Variants in CAPS2 observed in about 807,000 individuals in gnomAD.
CAPS2 encodes the protein calcyphosin-2.
In CAPS2, 98 loss-of-function variants were observed where a neutral mutation model predicts 86.5. The ratio of observed to expected loss-of-function variants is 1.13; its 90% CI spans 0.96 to 1.34. CAPS2 has a LOEUF of 1.34. Ranked by LOEUF, CAPS2 falls within the 40% of genes most tolerant of loss-of-function variation. CAPS2 has a pLI of 0.00. For synonymous variants in CAPS2, 210 were observed against 225.1 expected (o/e 0.93, Z 0.60); for missense variants, 729 against 686.8 (o/e 1.06, Z -0.69).
chr12:75,381,476 T>C (rs1335833193), intron 1 of CAPS2, among the ~76,000 whole-genome samples: 2 of 151,314 alleles, frequency 1.3e-5, no homozygotes, highest in Non-Finnish European at 2.9e-5. Flanking sequence ...ATCATACCTA[T>C]ATGTGAAAAG....
chr12:75,366,403 G>C (rs2139655649), intron 1 of CAPS2, among the ~76,000 whole-genome samples: 1 of 152,206 alleles, frequency 6.6e-6, no homozygotes, highest in African/African-American at 2.4e-5. Flanking sequence ...AGAGAACTTA[G>C]GAACTCTTGA....
intron 1 of CAPS2, among the ~76,000 whole-genome samples, chr12:75,345,287 G>A (rs1195629629): frequency 6.6e-6 from 1 of 151,856 alleles, no homozygotes; most frequent in African/African-American, 2.4e-5. Flanking sequence ...GCAAATCTCA[G>A]GGGTATTATG....
intron 1 of CAPS2, among the ~76,000 whole-genome samples, chr12:75,335,894 A>C (rs1283380848): frequency 1.3e-5 from 2 of 152,126 alleles, no homozygotes; most frequent in East Asian, 1.9e-4. Context: ...AATATGGTTG[A>C]TGCCTTTAGA....
chr12:75,376,225 C>T (rs1025400934), intron 1 of CAPS2, among the ~76,000 whole-genome samples: 3 of 152,186 alleles, frequency 2.0e-5, no homozygotes, highest in Non-Finnish European at 2.9e-5. Flanking sequence ...CAAGCTGCAA[C>T]ATTAAATGAA....
exon 17 of CAPS2, chr12:75,277,405 T>C: frequency 2.1e-6 from 2 of 974,514 alleles, no homozygotes; most frequent in Non-Finnish European, 2.4e-6. Flanking sequence ...TTAAGATGTC[T>C]ATAGTTGGAT....
intron 1 of CAPS2, among the ~76,000 whole-genome samples, chr12:75,355,928 T>G (rs924159066): frequency 2.6e-5 from 4 of 151,992 alleles, no homozygotes; most frequent in African/African-American, 9.7e-5. Context: ...AGCTGAACAA[T>G]GGGAACGCTT....
At chr12:75,343,911 C>T (rs1364845187) in intron 1 of CAPS2, 18 of 1,610,056 alleles carry the variant, frequency 1.1e-5, no homozygotes, top group Non-Finnish European at 1.5e-5. Context: ...GTCTATCATG[C>T]TCCAGAGTCT....
intron 5 of CAPS2, 150 bp from the exon 6 acceptor site, chr12:75,316,584 T>C: frequency 1.3e-6 from 1 of 760,404 alleles, no homozygotes; most frequent in Non-Finnish European, 1.9e-6. Context: ...TTGCTTATAT[T>C]TGAATCCAGC....
At chr12:75,320,932 T>A (rs1248866024) in intron 5 of CAPS2, among the ~76,000 whole-genome samples, 1 of 151,932 alleles carries the variant, frequency 6.6e-6, no homozygotes, top group African/African-American at 2.4e-5. Flanking sequence ...CAGCAACACA[T>A]GATGTTAAAA....
chr12:75,342,169 C>A (rs1036018247), intron 1 of CAPS2, among the ~76,000 whole-genome samples: 1 of 152,252 alleles, frequency 6.6e-6, no homozygotes, highest in African/African-American at 2.4e-5. Flanking sequence ...ATGAAGGATC[C>A]TTGTGGTGTT....
At chr12:75,278,395 T>C (rs1043558552) in exon 17 of CAPS2, 2 of 983,666 alleles carry the variant, frequency 2.0e-6, no homozygotes, top group East Asian at 1.1e-4. Flanking sequence ...AATATTTTCA[T>C]GTGTTAAAAA....
intron 1 of CAPS2, among the ~76,000 whole-genome samples, chr12:75,364,510 C>T (rs1231052136): frequency 6.6e-6 from 1 of 152,186 alleles, no homozygotes; most frequent in Non-Finnish European, 1.5e-5. Flanking sequence ...AAACTTATAG[C>T]CAATTTAAAT....
intron 1 of CAPS2, among the ~76,000 whole-genome samples, chr12:75,345,264 T>C (rs542128452): frequency 6.6e-6 from 1 of 152,210 alleles, no homozygotes; most frequent in African/African-American, 2.4e-5. Flanking sequence ...ACAGTTTCTA[T>C]CTTTTTTTTT....
chr12:75,330,008 A>C (rs1004678870), upstream of CAPS2: 1 of 676,720 alleles, frequency 1.5e-6, no homozygotes, highest in Non-Finnish European at 2.5e-6. Context: ...CAAAAACCGC[A>C]TTCAGAAAGC....
At chr12:75,345,882 AT>A (rs2042409740) in intron 1 of CAPS2, among the ~76,000 whole-genome samples, 1 of 152,218 alleles carries the variant, frequency 6.6e-6, no homozygotes, top group Non-Finnish European at 1.5e-5. Context: ...GTATTACTAA[AT>A]CAGAAAGGGG....
intron 1 of CAPS2, among the ~76,000 whole-genome samples, chr12:75,349,436 A>G (rs1339616728): frequency 1.3e-5 from 2 of 152,224 alleles, no homozygotes; most frequent in African/African-American, 4.8e-5. Context: ...TAACACTTAC[A>G]ATGTCTGGCA....
At chr12:75,312,864 T>C in exon 7 of CAPS2, 2 of 1,598,372 alleles carry the variant, frequency 1.3e-6, no homozygotes, top group Non-Finnish European at 1.7e-6. Context: ...AAGTGGTCTA[T>C]CATCACTTGC....
intron 9 of CAPS2, among the ~76,000 whole-genome samples, 178 bp downstream of exon 9, chr12:75,299,659 T>A (rs2037479391): frequency 6.6e-6 from 1 of 152,172 alleles, no homozygotes; most frequent in African/African-American, 2.4e-5. Context: ...TACAGATTCA[T>A]ATTTCCTATA....
upstream of CAPS2, chr12:75,334,653 C>CGTG: frequency 4.5e-6 from 7 of 1,554,220 alleles, no homozygotes; most frequent in Non-Finnish European, 6.1e-6. Context: ...GGTGCGGGGG[C>CGTG]GTGGGGAAAT....
Sources: gnomAD v4.1 joint callset for allele counts (sites outside exome capture counted in the v4.1 genomes callset) on GRCh38, gnomAD v4.1.1 for gene constraint, MANE v1.5 for transcripts, NCBI Gene and HGNC (gene_info 2026-07-23, HGNC 2026-07-21) for gene names.